MCTP1: variants seen among roughly 807,000 people sequenced by gnomAD.
MCTP1 encodes multiple C2 and transmembrane domain containing 1.
In MCTP1, 69 loss-of-function variants were observed where a neutral mutation model predicts 120.6. The observed-to-expected ratio is 0.57, with a 90% CI of 0.47 to 0.70. The LOEUF (loss-of-function observed/expected upper bound fraction) is 0.70. Among genes scored for constraint, MCTP1 ranks in the 30% least tolerant of loss-of-function variants. The pLI, the probability that MCTP1 is intolerant of heterozygous loss-of-function variation, is 0.00. For synonymous variants in MCTP1, 529 were observed against 493.1 expected, an observed-to-expected ratio of 1.07 and a Z score of -0.96; for missense variants, 1,203 against 1,248.8, an observed-to-expected ratio of 0.96 and a Z score of 0.55.
chr5:94,829,329 C>T (rs912256958), intron 17 of MCTP1, among the ~76,000 whole-genome samples: 8 of 152,230 alleles, frequency 5.3e-5, no homozygotes, highest in South Asian at 4.2e-4. Flanking sequence ...TGAGATGAAC[C>T]GGGTACCTCA....
intron 17 of MCTP1, among the ~76,000 whole-genome samples, chr5:94,864,636 C>G (rs189107983): frequency 1.6e-3 from 240 of 152,008 alleles, no homozygotes; most frequent in African/African-American, 5.7e-3. Context: ...ATGTTAAACA[C>G]AGCAGCACTT....
intron 18 of MCTP1, among the ~76,000 whole-genome samples, chr5:94,790,789 A>G (rs1251125391): frequency 6.6e-6 from 1 of 152,184 alleles, no homozygotes; most frequent in Non-Finnish European, 1.5e-5. Context: ...AATGATAATT[A>G]GTGGTTACCC....
intron 17 of MCTP1, among the ~76,000 whole-genome samples, chr5:94,811,207 C>G (rs1580807553): frequency 6.6e-6 from 1 of 152,126 alleles, no homozygotes; most frequent in South Asian, 2.1e-4. Flanking sequence ...ACCCTTGCTG[C>G]GTAATGTTTA....
rs1171831314 is a variant in MCTP1 at position 94,704,867 on chromosome 5, T to G, written c.*2629A>C. The G allele has an allele frequency of 6.6e-6, 1 of 150,908 alleles. No homozygotes were observed. The highest frequency in any genetic ancestry group is 1.5e-5 in the Non-Finnish European group (1 of 67,454). 9.3% of individuals were successfully genotyped at this position (150,908 alleles called of 1,614,324 possible). ...CACTAGGATAATCTGAGTTGGGAGA[T>G]TCAATCAATCAATCAGTTTGAGTCT... On this transcript the variant is annotated 3_prime_UTR_variant, in exon 23 of 23. Coordinates refer to ENST00000515393, the MANE Select transcript of MCTP1 (RefSeq NM_024717.7).
At chr5:95,125,383 TTAAC>T in intron 1 of MCTP1, among the ~76,000 whole-genome samples, 1 of 152,216 alleles carries the variant, frequency 6.6e-6, no homozygotes, top group East Asian at 1.9e-4. Flanking sequence ...ATGTCTGCTG[TTAAC>T]TAACTGACCT....
intron 2 of MCTP1, among the ~76,000 whole-genome samples, chr5:94,968,278 C>T (rs74293143): frequency 0.14 from 21,293 of 152,014 alleles, 1,530 homozygotes; most frequent in East Asian, 0.25. Flanking sequence ...TAAATAGATT[C>T]CTTTTCTGTA....
At chr5:95,035,254 A>T (rs963486321) in intron 1 of MCTP1, among the ~76,000 whole-genome samples, 21 of 152,186 alleles carry the variant, frequency 1.4e-4, no homozygotes, top group Admixed American at 3.9e-4. Context: ...TTATATATTT[A>T]AAAAAACCTG....
intron 1 of MCTP1, among the ~76,000 whole-genome samples, chr5:95,046,805 T>C (rs774569817): frequency 7.2e-5 from 11 of 152,122 alleles, no homozygotes; most frequent in Non-Finnish European, 1.0e-4. Context: ...CACGTATCTG[T>C]TTACCCTATT....
At chr5:95,266,636 A>C (rs577387428) in intron 1 of MCTP1, among the ~76,000 whole-genome samples, 1 of 152,382 alleles carries the variant, frequency 6.6e-6, no homozygotes, top group East Asian at 1.9e-4. Context: ...AGACTTGGGC[A>C]TGGCTTCTGT....
rs1336620459 is a variant in MCTP1, at chr5:94,954,173, TATATATATGC to T, written c.839-822_839-813del. ...ATATATATATGCATATATATACATA[TATATATATGC>T]ATATATATATATATATATATATGCC... On this transcript the variant is annotated intron_variant, in intron 2 of 22. Transcript: ENST00000515393. Among the ~76,000 whole-genome samples the T allele has an allele frequency of 1.0e-4, 10 of 98,500 alleles. 2 individuals carry two copies. The highest frequency in any genetic ancestry group is 4.5e-4 in the African/African-American group (10 of 22,062). The allele number at this position is 98,500 out of a possible 152,430, so 64.6% of individuals were successfully genotyped here.
chr5:95,237,887 C>G (rs1191686400), intron 1 of MCTP1, among the ~76,000 whole-genome samples: 6 of 151,980 alleles, frequency 3.9e-5, no homozygotes, highest in African/African-American at 1.2e-4. Flanking sequence ...GATCCAGAGC[C>G]TTGTTTTTGA....
At chr5:95,170,703 G>A (rs1747146460) in intron 1 of MCTP1, among the ~76,000 whole-genome samples, 1 of 152,092 alleles carries the variant, frequency 6.6e-6, no homozygotes, top group Non-Finnish European at 1.5e-5. Context: ...TTGGTTTAAA[G>A]TCTGTTTTAT....
rs530795074 is a variant in MCTP1, at chr5:95,059,313, A to C, written c.721-41829T>G. On this transcript the variant is annotated intron_variant, in intron 1 of 22. Coordinates refer to ENST00000515393, the MANE Select transcript of MCTP1 (RefSeq NM_024717.7). ...TCCTAAGTGAATTAATCCAGGAACA[A>C]AAAACCAAGTATTGCATGTTGTCAC... is the stretch of plus-strand genomic sequence containing the variant. Among the ~76,000 whole-genome samples, 11 of 152,288 alleles carry C rather than the reference A, an allele frequency of 7.2e-5. No homozygotes were observed. The South Asian group carries it at 2.1e-3, about 29-fold the overall frequency.
intron 20 of MCTP1, among the ~76,000 whole-genome samples, chr5:94,714,382 A>G (rs2152557815): frequency 6.6e-6 from 1 of 152,328 alleles, no homozygotes; most frequent in East Asian, 1.9e-4. Context: ...TGATGAAAAT[A>G]TAACTAGACC....
intron 2 of MCTP1, among the ~76,000 whole-genome samples, chr5:94,980,340 T>C (rs1026585626): frequency 1.3e-5 from 2 of 152,252 alleles, no homozygotes; most frequent in African/African-American, 2.4e-5. Flanking sequence ...AGTCTTAGCA[T>C]TGGAAGAGAC....
At chr5:95,104,505 T>C (rs1466618627) in intron 1 of MCTP1, among the ~76,000 whole-genome samples, 1 of 152,138 alleles carries the variant, frequency 6.6e-6, no homozygotes, top group African/African-American at 2.4e-5. Context: ...CTATACCTAG[T>C]TTAGCAGGCA....
chr5:94,836,938 G>A (rs1213943231), intron 17 of MCTP1, among the ~76,000 whole-genome samples: 1 of 152,126 alleles, frequency 6.6e-6, no homozygotes, highest in East Asian at 1.9e-4. Context: ...TTAGAGTGTT[G>A]TTTGTTTGTT....
chr5:95,052,884 A>G (rs949943942), intron 1 of MCTP1, among the ~76,000 whole-genome samples: 177 of 152,328 alleles, frequency 1.2e-3, no homozygotes, highest in African/African-American at 4.1e-3. Context: ...TAGTACTAGA[A>G]GAAAATCCTG....
intron 1 of MCTP1, among the ~76,000 whole-genome samples, chr5:95,210,037 T>G (rs10046810): frequency 6.6e-6 from 1 of 152,110 alleles, no homozygotes; most frequent in Non-Finnish European, 1.5e-5. Context: ...GTCTGAGAGA[T>G]AGTTTGTTAT....
Sources: allele counts gnomAD v4.1 joint callset (sites outside exome capture counted in the v4.1 genomes callset), GRCh38; gene constraint gnomAD v4.1.1; transcripts MANE v1.5; gene names NCBI Gene and HGNC (gene_info 2026-07-23, HGNC 2026-07-21).